Variants in FRMD3 observed in about 807,000 individuals in gnomAD.
The protein encoded by FRMD3 is FERM domain containing 3.
Under a neutral mutation model 70.2 loss-of-function variants are expected in FRMD3, and 33 were observed. The ratio of observed to expected loss-of-function variants is 0.47; its 90% confidence interval spans 0.36 to 0.63. The LOEUF (loss-of-function observed/expected upper bound fraction) is 0.63, where lower values mean the gene tolerates loss of function less well. Among genes scored for constraint, FRMD3 ranks in the 20% least tolerant of loss-of-function variants. The probability of loss-of-function intolerance (pLI) is 0.00; values close to 1 mark genes in which losing one functional copy is unlikely to be tolerated. For synonymous variants in FRMD3, 279 were observed against 255.9 expected, an observed-to-expected ratio of 1.09 and a Z score of -0.86; for missense variants, 632 against 711.4, an observed-to-expected ratio of 0.89 and a Z score of 1.27.
intron 1 of FRMD3, among the ~76,000 whole-genome samples, chr9:83,435,886 T>A (rs1482907136): frequency 6.6e-6 from 1 of 152,126 alleles, no homozygotes; most frequent in Non-Finnish European, 1.5e-5. Flanking sequence ...TTTAACATGG[T>A]CCTAAGACCA....
chr9:83,384,064 G>T (rs187715875), intron 2 of FRMD3, among the ~76,000 whole-genome samples: 17 of 152,286 alleles, frequency 1.1e-4, no homozygotes, highest in Admixed American at 8.5e-4. Context: ...CGATAGTACT[G>T]TCTTCCTTTT....
At chr9:83,377,545 C>T (rs1304014998) in intron 2 of FRMD3, among the ~76,000 whole-genome samples, 1 of 152,144 alleles carries the variant, frequency 6.6e-6, no homozygotes, top group Admixed American at 6.5e-5. Context: ...AATGGTTTAG[C>T]ACCTTCCTCT....
chr9:83,346,282 G>T (rs1587750805), intron 4 of FRMD3, among the ~76,000 whole-genome samples: 1 of 122,516 alleles, frequency 8.2e-6, no homozygotes, highest in Non-Finnish European at 1.9e-5. Context: ...AAAAAAAAGT[G>T]CAAACAAGCC....
At chr9:83,422,353 A>T (rs1376692214) in intron 1 of FRMD3, among the ~76,000 whole-genome samples, 1 of 152,140 alleles carries the variant, frequency 6.6e-6, no homozygotes, top group Non-Finnish European at 1.5e-5. Context: ...TCATTCCTCC[A>T]TATGATGAAA....
intron 1 of FRMD3, among the ~76,000 whole-genome samples, chr9:83,449,833 G>A (rs2131411967): frequency 6.6e-6 from 1 of 152,246 alleles, no homozygotes; most frequent in African/African-American, 2.4e-5. Context: ...TGTTAAGATT[G>A]GAAACTCATG....
intron 3 of FRMD3, among the ~76,000 whole-genome samples, chr9:83,352,046 A>G (rs953960158): frequency 6.6e-6 from 1 of 152,234 alleles, no homozygotes; most frequent in African/African-American, 2.4e-5. Flanking sequence ...TAATGTCTAT[A>G]GTAACTACAG....
chr9:83,491,080 G>A (rs893891948), intron 1 of FRMD3, among the ~76,000 whole-genome samples: 11 of 152,004 alleles, frequency 7.2e-5, no homozygotes, highest in Admixed American at 5.9e-4. Flanking sequence ...AGTTGTTGTG[G>A]TTAATGAGTT....
chr9:83,483,994 C>G (rs1022875788), intron 1 of FRMD3, among the ~76,000 whole-genome samples: 1 of 152,318 alleles, frequency 6.6e-6, no homozygotes, highest in African/African-American at 2.4e-5. Context: ...AATAGGCCTT[C>G]TGAGTCACTA....
chr9:83,472,356 C>T (rs1828289014), intron 1 of FRMD3, among the ~76,000 whole-genome samples: 1 of 152,182 alleles, frequency 6.6e-6, no homozygotes, highest in African/African-American at 2.4e-5. Context: ...TTATGACACA[C>T]ACGTGAAACA....
intron 6 of FRMD3, among the ~76,000 whole-genome samples, chr9:83,314,708 T>G (rs1413882790): frequency 6.6e-6 from 1 of 152,204 alleles, no homozygotes; most frequent in Non-Finnish European, 1.5e-5. Flanking sequence ...CTGAAGTCAC[T>G]GTGGTATGTC....
At chr9:83,544,952 A>G in the FRMD3 span, among the ~76,000 whole-genome samples, 29 of 152,244 alleles carry the variant, frequency 1.9e-4, no homozygotes, top group African/African-American at 6.8e-4. Flanking sequence ...CCAACACAAC[A>G]ATTCCAGCAG....
At chr9:83,432,542 C>G (rs963608770) in intron 1 of FRMD3, among the ~76,000 whole-genome samples, 1 of 152,204 alleles carries the variant, frequency 6.6e-6, no homozygotes, top group African/African-American at 2.4e-5. Flanking sequence ...CCCAGCACCC[C>G]ACCACAGAAA....
intron 12 of FRMD3, chr9:83,297,851 C>A (rs545975183): frequency 1.3e-5 from 6 of 471,324 alleles, no homozygotes; most frequent in South Asian, 7.7e-5. Context: ...CACTTCTGCT[C>A]CCCGGTGTGG....
chr9:83,312,055 C>A lies in FRMD3; in HGVS notation c.685-80G>T, dbSNP rs1835382653. On this transcript the variant is annotated intron_variant, in intron 7 of 13. Coordinates refer to ENST00000304195, the MANE Select transcript of FRMD3 (RefSeq NM_174938.6). The stretch of plus-strand genomic sequence containing the variant: ...ATAAATGATAACCAATATATTTATT[C>A]ATCCTCACCCTAGGTTAATTTTAGA... 7.7e-6 allele frequency: 8 copies of A among 1,037,128 alleles called. No individual in the cohort carries two copies. The South Asian group carries it at 1.2e-4, about 16-fold the overall frequency. The allele number at this position is 1,037,128 out of a possible 1,614,324, so 64.2% of individuals were successfully genotyped here.
chr9:83,409,611 A>G (rs1826223214), intron 1 of FRMD3, among the ~76,000 whole-genome samples: 1 of 152,236 alleles, frequency 6.6e-6, no homozygotes, highest in African/African-American at 2.4e-5. Context: ...TCTTAATAAG[A>G]GCAAACATTT....
At chr9:83,558,573 C>T in the FRMD3 span, among the ~76,000 whole-genome samples, 2 of 152,178 alleles carry the variant, frequency 1.3e-5, no homozygotes, top group Non-Finnish European at 2.9e-5. Context: ...AACATCCATT[C>T]TGCCACCCAT....
rs953488731 is a variant in FRMD3, at chr9:83,245,017, T to C, written c.*2901A>G. ...TTTATTTATATCCACAAATGTACAC[T>C]CAGTGGCATTTATGGAAAATTTAAC... On this transcript the variant is annotated 3_prime_UTR_variant, in exon 14 of 14. Transcript: ENST00000304195. 1.0e-6 allele frequency: 1 copy of C among 984,720 alleles called. No homozygotes were observed. Among genetic ancestry groups the C allele is most frequent in the Non-Finnish European group, 1.2e-6 (1 of 829,398 alleles). The allele number at this position is 984,720 out of a possible 1,614,324, so 61.0% of individuals were successfully genotyped here. A position where few individuals can be genotyped will look rare whatever the true frequency, so the allele number is the denominator to read the frequency against.
intron 13 of FRMD3, among the ~76,000 whole-genome samples, chr9:83,272,296 C>T (rs781194990): frequency 1.6e-4 from 24 of 151,816 alleles, no homozygotes; most frequent in East Asian, 3.9e-4. Flanking sequence ...TTGGTGGAGA[C>T]GGGGTTTCGC....
chr9:83,528,292 C>T (rs557997938), intron 1 of FRMD3, among the ~76,000 whole-genome samples: 6 of 121,094 alleles, frequency 5.0e-5, no homozygotes, highest in East Asian at 2.0e-4. Flanking sequence ...TGAATATAAA[C>T]GCAGACACAC....
Sources: gnomAD v4.1 joint callset for allele counts (sites outside exome capture counted in the v4.1 genomes callset) on GRCh38, gnomAD v4.1.1 for gene constraint, MANE v1.5 for transcripts, NCBI Gene and HGNC (gene_info 2026-07-23, HGNC 2026-07-21) for gene names.